The following BBS9 variants were observed in gnomAD, a reference collection of about 807,000 sequenced individuals.
BBS9 encodes protein PTHB1.
In BBS9, 89 loss-of-function variants were observed where a neutral mutation model predicts 117.7. The observed-to-expected ratio is 0.76, with a 90% CI of 0.64 to 0.90. The LOEUF (loss-of-function observed/expected upper bound fraction) is 0.90, where lower values mean the gene tolerates loss of function less well. Ranked by LOEUF, BBS9 falls within the 40% of genes least tolerant of loss-of-function variation. BBS9 has a pLI of 0.00. For missense variants in BBS9, 982 were observed against 1,042.2 expected, an observed-to-expected ratio of 0.94 and a Z score of 0.80; for synonymous variants, 379 against 370.9, an observed-to-expected ratio of 1.02 and a Z score of -0.25.
intron 9 of BBS9, among the ~76,000 whole-genome samples, chr7:33,279,599 G>A (rs1319616442): frequency 6.6e-6 from 1 of 152,158 alleles, no homozygotes; most frequent in African/African-American, 2.4e-5. Flanking sequence ...ACAGCATTTT[G>A]CTCAGAGTCT....
chr7:33,202,138 G>C (rs143169454), intron 5 of BBS9, among the ~76,000 whole-genome samples: 3 of 152,218 alleles, frequency 2.0e-5, no homozygotes, highest in African/African-American at 4.8e-5. Context: ...AAGGAGAGTG[G>C]CAATGTTCGA....
intron 9 of BBS9, among the ~76,000 whole-genome samples, chr7:33,332,580 G>A (rs1814333048): frequency 6.6e-6 from 1 of 152,164 alleles, no homozygotes; most frequent in African/African-American, 2.4e-5. Context: ...AGGAGGCTGA[G>A]GCAGGAGAAT....
chr7:33,193,504 T>G (rs541646503), intron 5 of BBS9, among the ~76,000 whole-genome samples: 1 of 151,846 alleles, frequency 6.6e-6, no homozygotes, highest in East Asian at 2.0e-4. Flanking sequence ...CAAGCTTAGC[T>G]TGGCCCACTC....
chr7:33,239,646 T>C (rs1317095516), intron 5 of BBS9, among the ~76,000 whole-genome samples: 1 of 152,188 alleles, frequency 6.6e-6, no homozygotes, highest in African/African-American at 2.4e-5. Context: ...TGGCTTCTGA[T>C]CTTTGTATTC....
In BBS9 at chr7:33,189,250, C is replaced by T. The variant is rs1298890071; in HGVS notation, c.442+11659C>T. ...CCCAGGCTGGTCTCAAATTCCTGGG[C>T]TCAAGCGATCTGCCTGCCTCAGCCT... On this transcript the variant is annotated intron_variant, in intron 5 of 22. Coordinates refer to ENST00000242067, the MANE Select transcript of BBS9 (RefSeq NM_198428.3). 5.3e-5 allele frequency among the ~76,000 whole-genome samples: 8 copies of T among 152,168 alleles called. No homozygotes were observed. In the East Asian group the frequency reaches 1.5e-3, roughly 29 times the overall value.
chr7:33,246,048 G>C (rs1795280456), intron 5 of BBS9, among the ~76,000 whole-genome samples: 1 of 152,176 alleles, frequency 6.6e-6, no homozygotes, highest in African/African-American at 2.4e-5. Flanking sequence ...ATATTAAGAT[G>C]AATATTTTGG....
intron 21 of BBS9, among the ~76,000 whole-genome samples, chr7:33,552,220 A>G (rs1462160612): frequency 6.6e-6 from 1 of 152,236 alleles, no homozygotes; most frequent in Non-Finnish European, 1.5e-5. Context: ...ACACTATAAT[A>G]TCTGATAGCA....
At chr7:33,362,164 T>C (rs1820742975) in intron 16 of BBS9, among the ~76,000 whole-genome samples, 1 of 152,180 alleles carries the variant, frequency 6.6e-6, no homozygotes, top group South Asian at 2.1e-4. Flanking sequence ...TTTGTCTTCT[T>C]TTGCTCCTTT....
chr7:33,605,238 T>C lies in BBS9; in HGVS notation c.*12T>C, dbSNP rs770978235. On this transcript the variant is annotated 3_prime_UTR_variant, in exon 23 of 23. Transcript: ENST00000242067. ...GAGTCTCGGAATAATTCAAGTAGAG[T>C]TGTTTGGTTGAGAGGAACATCCCCA... 3 of 1,611,538 alleles carry C rather than the reference T, an allele frequency of 1.9e-6. No individual in the cohort carries two copies. Among genetic ancestry groups the C allele is most frequent in the East Asian group, 4.5e-5 (2 of 44,846 alleles).
intron 20 of BBS9, among the ~76,000 whole-genome samples, chr7:33,528,113 A>T (rs1312599359): frequency 2.6e-5 from 4 of 151,646 alleles, no homozygotes; most frequent in African/African-American, 9.8e-5. Context: ...ATAAATACCA[A>T]ACACTTTTCA....
chr7:33,336,056 A>G (rs1815293565), intron 9 of BBS9, among the ~76,000 whole-genome samples: 1 of 152,146 alleles, frequency 6.6e-6, no homozygotes, highest in South Asian at 2.1e-4. Context: ...GCCCCGCTCC[A>G]TCTCTTGGTC....
At chr7:33,556,874 T>G (rs1013928916) in intron 21 of BBS9, among the ~76,000 whole-genome samples, 1 of 152,178 alleles carries the variant, frequency 6.6e-6, no homozygotes, top group Non-Finnish European at 1.5e-5. Context: ...CTAGTTTTAA[T>G]GAGTAATAAG....
chr7:33,335,005 C>A (rs998536058), intron 9 of BBS9, among the ~76,000 whole-genome samples: 1 of 152,164 alleles, frequency 6.6e-6, no homozygotes, highest in Admixed American at 6.5e-5. Flanking sequence ...TGGTGACCAT[C>A]TTATGGGCAG....
At chr7:33,466,561 T>G (rs1422815453) in intron 19 of BBS9, among the ~76,000 whole-genome samples, 1 of 152,140 alleles carries the variant, frequency 6.6e-6, no homozygotes, top group Non-Finnish European at 1.5e-5. Flanking sequence ...TTATTCTTTA[T>G]TCATTCATCT....
chr7:33,590,292 A>T (rs976464798), intron 21 of BBS9, among the ~76,000 whole-genome samples: 1 of 152,102 alleles, frequency 6.6e-6, no homozygotes, highest in Non-Finnish European at 1.5e-5. Context: ...AAGAGGAGCA[A>T]AGAAACGGAA....
intron 13 of BBS9, among the ~76,000 whole-genome samples, chr7:33,350,628 AT>A (rs1246277990): frequency 6.6e-6 from 1 of 152,102 alleles, no homozygotes; most frequent in African/African-American, 2.4e-5. Context: ...TTCTCTGTTC[AT>A]GCTGTCTGTT....
intron 21 of BBS9, among the ~76,000 whole-genome samples, chr7:33,546,082 T>C (rs192876240): frequency 0.029 from 4,357 of 151,618 alleles, 90 homozygotes; most frequent in Middle Eastern, 0.048. Context: ...TACAGGCGCC[T>C]GCCACCGCGC....
intron 19 of BBS9, chr7:33,390,726 G>A: frequency 3.5e-6 from 2 of 575,936 alleles, no homozygotes; most frequent in Non-Finnish European, 4.4e-6. Flanking sequence ...TATACGTAAT[G>A]CTAAATTTCC....
At chr7:33,597,020 T>G (rs1862928295) in intron 21 of BBS9, among the ~76,000 whole-genome samples, 1 of 151,944 alleles carries the variant, frequency 6.6e-6, no homozygotes, top group South Asian at 2.1e-4. Context: ...TATACATGTC[T>G]ATGTACCTAT....
Sources: gnomAD v4.1 joint callset for allele counts (sites outside exome capture counted in the v4.1 genomes callset) on GRCh38, gnomAD v4.1.1 for gene constraint, MANE v1.5 for transcripts, NCBI Gene and HGNC (gene_info 2026-07-23, HGNC 2026-07-21) for gene names.